The following GUCY2F variants were observed in gnomAD, a reference collection of about 807,000 sequenced individuals.
The protein encoded by GUCY2F is retinal guanylyl cyclase 2.
Under a neutral mutation model 73.1 loss-of-function variants are expected in GUCY2F, and 61 were observed. That is an observed-to-expected ratio of 0.83 (90% CI 0.68 to 1.03). The LOEUF (loss-of-function observed/expected upper bound fraction) is 1.03, where lower values mean the gene tolerates loss of function less well. GUCY2F is among the 50% of genes least tolerant of loss of function. The probability of loss-of-function intolerance (pLI) is 0.00; values close to 1 mark genes in which losing one functional copy is unlikely to be tolerated. For missense variants in GUCY2F, 912 were observed against 854.3 expected (o/e 1.07, Z -0.84); for synonymous variants, 331 against 307.8 (o/e 1.08, Z -0.79).
intron 4 of GUCY2F, among the ~76,000 whole-genome samples, chrX:109,453,279 G>T (rs1324682930): frequency 2.7e-5 from 3 of 111,237 alleles, no homozygotes; most frequent in African/African-American, 9.8e-5. Context: ...GAAAAGAGTG[G>T]TGGGGAGGCT....
intron 3 of GUCY2F, among the ~76,000 whole-genome samples, chrX:109,457,006 T>A (rs1233954850): frequency 8.9e-6 from 1 of 111,932 alleles, no homozygotes; most frequent in Admixed American, 9.4e-5. Flanking sequence ...TAAGACAGAA[T>A]TGGTAAGAAC....
chrX:109,380,318 T>C (rs895323170), intron 17 of GUCY2F, among the ~76,000 whole-genome samples: 6 of 111,593 alleles, frequency 5.4e-5, no homozygotes, highest in Non-Finnish European at 1.1e-4. Flanking sequence ...GCTGGCGACA[T>C]GGTCTTATTG....
intron 15 of GUCY2F, among the ~76,000 whole-genome samples, chrX:109,386,104 C>CT (rs1310904673): frequency 1.8e-5 from 2 of 111,459 alleles, no homozygotes; most frequent in Non-Finnish European, 3.8e-5. Context: ...GCCTGGCCTT[C>CT]TGCTCTGTTT....
intron 6 of GUCY2F, among the ~76,000 whole-genome samples, chrX:109,447,422 A>G (rs1932039435): frequency 9.0e-6 from 1 of 110,891 alleles, no homozygotes; most frequent in African/African-American, 3.3e-5. Context: ...TGGCACATAT[A>G]CACCATGGAA....
Position 109,382,189 on chromosome X carries a change from T to C in GUCY2F, c.3079A>G (p.Ser1027Gly). 1 of 1,179,816 alleles carries C rather than the reference T, an allele frequency of 8.5e-7. No homozygotes were observed. Among genetic ancestry groups the C allele is most frequent in the Non-Finnish European group, 1.2e-6 (1 of 866,705 alleles). The change falls in exon 17 of 20, where the codon AGC becomes GGC. Residue 1027 changes from serine (S) to glycine (G), a missense_variant. Physicochemically the swap from Ser to Gly is moderately conservative, Grantham distance 56. Coordinates refer to ENST00000218006, the MANE Select transcript of GUCY2F (RefSeq NM_001522.3). ...GLPYRIHVSL[S>G]TVTILQNLSE... Reference sequence around the variant, plus strand: ...AGATTTTGAAGAATTGTAACAGTGCTGAGACTGACATGAATGCGATAAGCT... The same window carrying C: ...AGATTTTGAAGAATTGTAACAGTGCCGAGACTGACATGAATGCGATAAGCT...
chrX:109,379,645 G>C (rs1930256195), intron 17 of GUCY2F, among the ~76,000 whole-genome samples: 2 of 112,346 alleles, frequency 1.8e-5, no homozygotes, highest in African/African-American at 6.5e-5. Flanking sequence ...AAATACAGCT[G>C]ATAAGCCTAG....
chrX:109,412,080 T>C (rs927655956), intron 8 of GUCY2F, among the ~76,000 whole-genome samples: 2 of 111,995 alleles, frequency 1.8e-5, no homozygotes, highest in East Asian at 2.8e-4. Context: ...ATTTCACCAT[T>C]AAAATTTATT....
At chrX:109,439,435 C>CT (rs1051469840) in intron 7 of GUCY2F, among the ~76,000 whole-genome samples, 15 of 110,864 alleles carry the variant, frequency 1.4e-4, no homozygotes, top group East Asian at 5.7e-4. Context: ...CCTTATCAAA[C>CT]TTTTTTTTTG....
chrX:109,440,149 G>T (rs1205736040), intron 7 of GUCY2F, among the ~76,000 whole-genome samples: 1 of 111,950 alleles, frequency 8.9e-6, no homozygotes, highest in East Asian at 2.8e-4. Context: ...GGATGTCCAA[G>T]ATCAAGGTGC....
At chrX:109,395,222 A>G in intron 12 of GUCY2F, 119 bp downstream of exon 12, 1 of 559,385 alleles carries the variant, frequency 1.8e-6, no homozygotes, top group South Asian at 3.2e-5. Flanking sequence ...CTCCAAGAGG[A>G]GTGCCCTTAC....
At chrX:109,447,729 C>A (rs187167649) in intron 6 of GUCY2F, among the ~76,000 whole-genome samples, 1,326 of 109,018 alleles carry the variant, frequency 0.012, 19 homozygotes, top group African/African-American at 0.042. Flanking sequence ...ACATATGTAA[C>A]AAACCTGCAC....
intron 8 of GUCY2F, among the ~76,000 whole-genome samples, chrX:109,426,932 AG>A (rs983499900): frequency 8.9e-6 from 1 of 112,297 alleles, no homozygotes; most frequent in African/African-American, 3.2e-5. Flanking sequence ...CAATAAATTA[AG>A]GGTAGCGAAT....
chrX:109,479,292 T>C (rs1368874310), intron 1 of GUCY2F, among the ~76,000 whole-genome samples: 1 of 112,295 alleles, frequency 8.9e-6, no homozygotes, highest in African/African-American at 3.2e-5. Flanking sequence ...ATTTAATCAT[T>C]TTGAGATAAA....
At chrX:109,375,861 G>T in intron 19 of GUCY2F, 37 bp downstream of exon 19, 1 of 1,055,104 alleles carries the variant, frequency 9.5e-7, no homozygotes, top group South Asian at 1.9e-5. Context: ...TGAAAATTTG[G>T]CAAGCTGCTG....
chrX:109,461,647 GA>G (rs1225555040), intron 3 of GUCY2F, among the ~76,000 whole-genome samples: 7 of 111,198 alleles, frequency 6.3e-5, no homozygotes, highest in African/African-American at 2.3e-4. Flanking sequence ...TATGGAGAGG[GA>G]AAAAAAACTC....
intron 17 of GUCY2F, among the ~76,000 whole-genome samples, chrX:109,380,779 AG>A (rs1456187186): frequency 8.9e-6 from 1 of 112,093 alleles, no homozygotes; most frequent in Non-Finnish European, 1.9e-5. Context: ...CCATTGGGAC[AG>A]GGATGCATTT....
intron 17 of GUCY2F, 113 bp from the exon 18 acceptor site, chrX:109,376,280 C>A: frequency 2.0e-6 from 1 of 508,929 alleles, no homozygotes; most frequent in South Asian, 3.2e-5. Context: ...AGTCTTCCTC[C>A]CTACGGGGCT....
At chrX:109,419,370 C>T (rs1032679319) in intron 8 of GUCY2F, among the ~76,000 whole-genome samples, 3 of 110,315 alleles carry the variant, frequency 2.7e-5, no homozygotes, top group East Asian at 2.8e-4. Flanking sequence ...GAATTCATCC[C>T]GGGGATATTA....
At chrX:109,409,208 G>A (rs780524740) in intron 8 of GUCY2F, 40 bp from the exon 9 acceptor site, 7 of 735,397 alleles carry the variant, frequency 9.5e-6, no homozygotes, top group Middle Eastern at 3.0e-4. Flanking sequence ...CAGCTGTCCT[G>A]TCTCAACTGG....
Sources: gnomAD v4.1 joint callset for allele counts (sites outside exome capture counted in the v4.1 genomes callset) on GRCh38, gnomAD v4.1.1 for gene constraint, MANE v1.5 for transcripts, NCBI Gene and HGNC (gene_info 2026-07-23, HGNC 2026-07-21) for gene names.